FUT7: variants seen among roughly 807,000 people sequenced by gnomAD.
FUT7 encodes fucosyltransferase 7, also known as alpha-(1,3)-fucosyltransferase 7.
FUT7 carries 2 observed loss-of-function variants against 5.0 expected under a neutral mutation model. The ratio of observed to expected loss-of-function variants is 0.40; its 90% CI spans 0.16 to 1.26. FUT7 has a LOEUF of 1.26. FUT7 is among the 50% of genes most tolerant of loss of function. The probability of loss-of-function intolerance (pLI) is 0.32; values close to 1 mark genes in which losing one functional copy is unlikely to be tolerated. For missense variants in FUT7, 461 were observed against 489.8 expected, an observed-to-expected ratio of 0.94 and a Z score of 0.55; for synonymous variants, 218 against 210.6, an observed-to-expected ratio of 1.03 and a Z score of -0.30.
chr9:137,030,632 G>T lies in FUT7; in HGVS notation c.*78C>A. 6.4e-7 allele frequency: 1 copy of T among 1,551,290 alleles called. No homozygotes were observed. On this transcript the variant is annotated 3_prime_UTR_variant, in exon 2 of 2. Transcript: ENST00000314412. Reference sequence around the variant, plus strand: ...CCTCCCGTTAGCCCGCTGCTTGCCGGTAAGGGCCGGATGCCTGGTGGTTTG... The same window carrying T: ...CCTCCCGTTAGCCCGCTGCTTGCCGTTAAGGGCCGGATGCCTGGTGGTTTG...
chr9:137,031,033 A>T lies in FUT7; in HGVS notation c.706T>A (p.Tyr236Asn). 1 of 1,612,864 alleles carries T rather than the reference A, an allele frequency of 6.2e-7. No individual in the cohort carries two copies. The highest frequency in any genetic ancestry group is 8.5e-7 in the Non-Finnish European group (1 of 1,180,008). The change falls in exon 2 of 2, where the codon TAC (tyrosine) becomes AAC (asparagine). Residue 236 changes from tyrosine (Y) to asparagine (N), a missense_variant. Transcript: ENST00000314412. Reference protein sequence around the residue: ...LSFENSQHRDYITEKFWRNAL... With the variant: ...LSFENSQHRDNITEKFWRNAL... The stretch of plus-strand genomic sequence containing the variant: ...TTGCGCCAGAATTTCTCCGTAATGT[A>T]GTCGCGGTGCTGAGAGTTCTCAAAG...
chr9:137,031,681 C>G lies in FUT7; in HGVS notation c.58G>C (p.Gly20Arg). ...RRLRGLGVLAGVALLAALWLL... is the reference protein window; with the variant it reads ...RRLRGLGVLARVALLAALWLL... ...CAGAGGGCAGCGAGCAGAGCCACCCCGGCCAGGACCCCCAAGCCTCGCAGC... is the reference window on the plus strand; with the variant it reads ...CAGAGGGCAGCGAGCAGAGCCACCCGGGCCAGGACCCCCAAGCCTCGCAGC... Residue 20 changes from glycine (G) to arginine (R), a missense_variant, in exon 2 of 2, where the codon GGG becomes CGG. Transcript: ENST00000314412. 6.5e-7 allele frequency: 1 copy of G among 1,550,348 alleles called. No individual in the cohort carries two copies. The highest frequency in any genetic ancestry group is 2.0e-5 in the Admixed American group (1 of 51,170).
chr9:137,031,457 G>A lies in FUT7; in HGVS notation c.282C>T (p.His94=). The A allele has an allele frequency of 6.4e-7, 1 of 1,554,860 alleles. No individual in the cohort carries two copies. The highest frequency in any genetic ancestry group is 8.7e-7 in the Non-Finnish European group (1 of 1,149,656). Residue 94 remains histidine, a synonymous_variant, in exon 2 of 2, where the codon CAC becomes CAT. Coordinates refer to ENST00000314412, the MANE Select transcript of FUT7 (RefSeq NM_004479.4). ...ACCGCCGGGTCTGCAGCTCGCGGTG[G>A]TGGAAGACCACGGCGTCGGCGCTGG... is the stretch of plus-strand genomic sequence containing the variant. ...LLASADAVVF[H]HRELQTRRSH...
In FUT7 at chr9:137,031,970, G is replaced by C. The variant is rs1198941994; in HGVS notation, c.13+9C>G. The C allele has an allele frequency of 7.4e-6, 12 of 1,612,610 alleles. No homozygotes were observed. Among genetic ancestry groups the C allele is most frequent in the Non-Finnish European group, 1.0e-5 (12 of 1,179,884 alleles). On this transcript the variant is annotated intron_variant, in intron 1 of 1. Transcript: ENST00000314412. ...CCAGCTTGGGCCTCCCCGAGGGCCA[G>C]ACACTCACCAGCATTATTCATCCAC...
In FUT7 at chr9:137,031,595, G is replaced by T. The variant is rs1031823607; in HGVS notation, c.144C>A (p.Thr48=). The T allele has an allele frequency of 5.1e-6, 8 of 1,567,084 alleles. No homozygotes were observed. Among genetic ancestry groups the T allele is most frequent in the Non-Finnish European group, 6.9e-6 (8 of 1,157,568 alleles). Residue 48 remains threonine (T), a synonymous_variant, in exon 2 of 2, where the codon ACC becomes ACA. Coordinates refer to ENST00000314412, the MANE Select transcript of FUT7 (RefSeq NM_004479.4). ...RGTPAPQPTI[T]ILVWHWPFTD... is the part of the protein sequence containing the mutation. ...TGAAGGGCCAGTGCCAGACAAGGAT[G>T]GTGATCGTGGGCTGGGGTGCCGGGG...
chr9:137,031,082 C>G lies in FUT7; in HGVS notation c.657G>C (p.Val219=). ...AGGACAGGTAGAAGCGGTACTGGGC[C>G]ACGGTGGGCACCAGGCAGCTGGCGC... The part of the protein sequence containing the change: ...PLCASCLVPT[V]AQYRFYLSFE... The change falls in exon 2 of 2, where the codon GTG becomes GTC. Residue 219 remains valine, a synonymous_variant. Coordinates refer to ENST00000314412, the MANE Select transcript of FUT7 (RefSeq NM_004479.4). 1 of 1,612,774 alleles carries G rather than the reference C, an allele frequency of 6.2e-7. No individual in the cohort carries two copies. Among genetic ancestry groups the G allele is most frequent in the South Asian group, 1.1e-5 (1 of 91,080 alleles).
chr9:137,031,104 G>A lies in FUT7; in HGVS notation c.635C>T (p.Ala212Val), dbSNP rs369683333. ...GGCCACGGTGGGCACCAGGCAGCTG[G>A]CGCACAGTGGCCGTCCATTGGCACG... ...FGRANGRPLCASCLVPTVAQY... is the reference protein window; with the variant it reads ...FGRANGRPLCVSCLVPTVAQY... Residue 212 changes from alanine to valine, a missense_variant, in exon 2 of 2, where the codon GCC becomes GTC. Ala to Val is a moderately conservative substitution (Grantham distance 64, BLOSUM62 0). Transcript: ENST00000314412. 5 of 1,612,732 alleles carry A rather than the reference G, an allele frequency of 3.1e-6. No homozygotes were observed. Among genetic ancestry groups the A allele is most frequent in the Non-Finnish European group, 4.2e-6 (5 of 1,179,916 alleles).
At position 137,031,363 on chromosome 9, in the gene FUT7, G is replaced by A; in HGVS notation, c.376C>T (p.His126Tyr). 1 of 1,594,778 alleles carries A rather than the reference G, an allele frequency of 6.3e-7. No individual in the cohort carries two copies. The highest frequency in any genetic ancestry group is 8.5e-7 in the Non-Finnish European group (1 of 1,172,484). ...CGGAGGTGGCTGAGGCCGTGGGTGT[G>A]GCTAGGAGACTCCATGGAGGCCCAC... ...WVWASMESPSHTHGLSHLRGI... is the reference protein window; with the variant it reads ...WVWASMESPSYTHGLSHLRGI... The change falls in exon 2 of 2, where the codon CAC (histidine) becomes TAC (tyrosine). Residue 126 changes from histidine (H) to tyrosine (Y), a missense_variant. Transcript: ENST00000314412.
rs1831817024 is a variant in FUT7, at chr9:137,030,300, A to T, written c.*410T>A. 7.2e-6 allele frequency: 2 copies of T among 277,194 alleles called. No homozygotes were observed. The highest frequency in any genetic ancestry group is 1.4e-5 in the Non-Finnish European group (2 of 140,066). 17.2% of individuals were successfully genotyped at this position (277,194 alleles called of 1,614,324 possible). The stretch of plus-strand genomic sequence containing the variant: ...GGGACCTCAGAACTATGGACGTGGC[A>T]GGGACCCGTGCCTGTGTCTCGGGGA... On this transcript the variant is annotated 3_prime_UTR_variant, in exon 2 of 2. Transcript: ENST00000314412.
Position 137,031,134 on chromosome 9 carries a change from A to G in FUT7, c.605T>C (p.Phe202Ser). 1 of 1,612,570 alleles carries G rather than the reference A, an allele frequency of 6.2e-7. No homozygotes were observed. Among genetic ancestry groups the G allele is most frequent in the Non-Finnish European group, 8.5e-7 (1 of 1,179,814 alleles). Reference protein sequence around the residue: ...QLAPHLRVDVFGRANGRPLCA... With the variant: ...QLAPHLRVDVSGRANGRPLCA... ...CAGTGGCCGTCCATTGGCACGGCCA[A>G]AGACATCCACCCGCAGATGAGGCGC... The change falls in exon 2 of 2, where the codon TTT becomes TCT. Residue 202 changes from phenylalanine (F) to serine (S), a missense_variant. Transcript: ENST00000314412.
rs924850793 is a variant in FUT7, at chr9:137,030,344, C to T, written c.*366G>A. The T allele has an allele frequency of 2.5e-5, 8 of 320,472 alleles. No individual in the cohort carries two copies. Among genetic ancestry groups the T allele is most frequent in the African/African-American group, 8.5e-5 (4 of 46,948 alleles). The allele number at this position is 320,472 out of a possible 1,614,324, so 19.9% of individuals were successfully genotyped here. On this transcript the variant is annotated 3_prime_UTR_variant, in exon 2 of 2. Transcript: ENST00000314412. ...TCGGGGACCACAGGGCCTCTGCTACCGAGGAAGCTCGGGGTCCCAGGTTTG... is the reference window on the plus strand; with the variant it reads ...TCGGGGACCACAGGGCCTCTGCTACTGAGGAAGCTCGGGGTCCCAGGTTTG...
rs1428439335 is a variant in FUT7, at chr9:137,030,443, T to C, written c.*267A>G. The C allele has an allele frequency of 7.5e-6, 4 of 530,620 alleles. No individual in the cohort carries two copies. Among genetic ancestry groups the C allele is most frequent in the Non-Finnish European group, 1.4e-5 (4 of 291,220 alleles). The allele number at this position is 530,620 out of a possible 1,614,324, so 32.9% of individuals were successfully genotyped here. A position where few individuals can be genotyped will look rare whatever the true frequency, so the allele number is the denominator to read the frequency against. On this transcript the variant is annotated 3_prime_UTR_variant, in exon 2 of 2. Transcript: ENST00000314412. ...CCTTTCACCCTCTTCCAGCCAGGCC[T>C]TCACCCACCCAAGATTTGTTCAGGG...
chr9:137,031,148 C>T lies in FUT7; in HGVS notation c.591G>A (p.Leu197=). ...TGGCACGGCCAAAGACATCCACCCG[C>T]AGATGAGGCGCCAGCTGCCGGTACA... The part of the protein sequence containing the change: ...ARLYRQLAPH[L]RVDVFGRANG... Residue 197 remains leucine, a synonymous_variant, in exon 2 of 2, where the codon CTG becomes CTA. Coordinates refer to ENST00000314412, the MANE Select transcript of FUT7 (RefSeq NM_004479.4). The T allele has an allele frequency of 6.2e-7, 1 of 1,612,202 alleles. No homozygotes were observed. The highest frequency in any genetic ancestry group is 1.3e-5 in the African/African-American group (1 of 75,062).
rs1166638831 is a variant in FUT7, at chr9:137,031,358, G to T, written c.381C>A (p.Thr127=). 2 of 1,595,782 alleles carry T rather than the reference G, an allele frequency of 1.3e-6. No homozygotes were observed. ...VWASMESPSH[T]HGLSHLRGIF... is the part of the protein sequence containing the mutation. ...TGCCTCGGAGGTGGCTGAGGCCGTG[G>T]GTGTGGCTAGGAGACTCCATGGAGG... is the stretch of plus-strand genomic sequence containing the variant. The change falls in exon 2 of 2, where the codon ACC becomes ACA. Residue 127 remains threonine (T), a synonymous_variant. Coordinates refer to ENST00000314412, the MANE Select transcript of FUT7 (RefSeq NM_004479.4).
Position 137,031,720 on chromosome 9 carries a change from C to G in FUT7, c.19G>C (p.Gly7Arg). 1 of 1,544,606 alleles carries G rather than the reference C, an allele frequency of 6.5e-7. No individual in the cohort carries two copies. Among genetic ancestry groups the G allele is most frequent in the Non-Finnish European group, 8.7e-7 (1 of 1,147,074 alleles). The change falls in exon 2 of 2, where the codon GGC (glycine) becomes CGC (arginine). Residue 7 changes from glycine to arginine, a missense_variant. Coordinates refer to ENST00000314412, the MANE Select transcript of FUT7 (RefSeq NM_004479.4). MNNAGH[G>R]PTRRLRGLGV... is the part of the protein sequence containing the mutation. ...AAGCCTCGCAGCCTCCGGGTGGGGC[C>G]GTGCCCTGCAGCAGCACGAGGGAGG...
At position 137,030,830 on chromosome 9, in the gene FUT7, G is replaced by C. The variant is rs778683032; in HGVS notation, c.909C>G (p.Asp303Glu). ...CGGTGAACAGTCGCACGCGGAGCCTGTCACGCCAGGCAAAGAAGCGTTGGT... is the reference window on the plus strand; with the variant it reads ...CGGTGAACAGTCGCACGCGGAGCCTCTCACGCCAGGCAAAGAAGCGTTGGT... ...SRYQRFFAWR[D>E]RLRVRLFTDW... The change falls in exon 2 of 2, where the codon GAC (aspartate) becomes GAG (glutamate). Residue 303 changes from aspartate to glutamate, a missense_variant. Transcript: ENST00000314412. The C allele has an allele frequency of 6.2e-7, 1 of 1,612,844 alleles. No homozygotes were observed. The highest frequency in any genetic ancestry group is 2.2e-5 in the East Asian group (1 of 44,892).
At position 137,031,076 on chromosome 9, in the gene FUT7, C is replaced by G. The variant is rs777859158; in HGVS notation, c.663G>C (p.Gln221His). ...TCTCAAAGGACAGGTAGAAGCGGTA[C>G]TGGGCCACGGTGGGCACCAGGCAGC... ...CASCLVPTVA[Q>H]YRFYLSFENS... The change falls in exon 2 of 2, where the codon CAG becomes CAC. Residue 221 changes from glutamine to histidine, a missense_variant. Gln to His is a conservative substitution (Grantham distance 24). Coordinates refer to ENST00000314412, the MANE Select transcript of FUT7 (RefSeq NM_004479.4). 5.3e-5 allele frequency: 85 copies of G among 1,612,696 alleles called. No homozygotes were observed. The highest frequency in any genetic ancestry group is 7.0e-5 in the Non-Finnish European group (83 of 1,179,970).
Position 137,031,794 on chromosome 9 carries a change from G to A in FUT7, c.14-69C>T, listed in dbSNP as rs891237441. The A allele has an allele frequency of 1.6e-5, 25 of 1,523,988 alleles. No homozygotes were observed. The African/African-American group carries it at 2.2e-4, about 13-fold the overall frequency. The allele number at this position is 1,523,988 out of a possible 1,614,324, so 94.4% of individuals were successfully genotyped here. ...GGGACATCCACACGCCCCACTCAGC[G>A]CCAACCCCGTCCTCCCCTCCCATGG... On this transcript the variant is annotated intron_variant, in intron 1 of 1. Coordinates refer to ENST00000314412, the MANE Select transcript of FUT7 (RefSeq NM_004479.4).
chr9:137,031,472 G>A lies in FUT7; in HGVS notation c.267C>T (p.Asp89=), dbSNP rs778544745. ...GCTCGCGGTGGTGGAAGACCACGGCGTCGGCGCTGGCCAGCAGGCTTCGGT... is the reference window on the plus strand; with the variant it reads ...GCTCGCGGTGGTGGAAGACCACGGCATCGGCGCTGGCCAGCAGGCTTCGGT... The part of the protein sequence containing the change: ...SANRSLLASA[D]AVVFHHRELQ... Residue 89 remains aspartate (D), a synonymous_variant, in exon 2 of 2, where the codon GAC becomes GAT. Transcript: ENST00000314412. 1.1e-4 allele frequency: 164 copies of A among 1,553,052 alleles called. No homozygotes were observed. Among genetic ancestry groups the A allele is most frequent in the South Asian group, 1.9e-4 (16 of 84,542 alleles).
Sources: gnomAD v4.1 joint callset for allele counts on GRCh38, gnomAD v4.1.1 for gene constraint, MANE v1.5 for transcripts, NCBI Gene and HGNC (gene_info 2026-07-23, HGNC 2026-07-21) for gene names.